The following SLC8A3 variants were observed in gnomAD, a reference collection of about 807,000 sequenced individuals.
SLC8A3 encodes solute carrier family 8 member A3.
A neutral mutation model predicts 65.4 loss-of-function variants in SLC8A3; 37 were observed. The observed-to-expected ratio is 0.57, with a 90% CI of 0.44 to 0.74. The LOEUF (loss-of-function observed/expected upper bound fraction) is 0.74. Among genes scored for constraint, SLC8A3 ranks in the 30% least tolerant of loss-of-function variants. The pLI is 0.00. For synonymous variants in SLC8A3, 461 were observed against 444.5 expected (o/e 1.04, Z -0.47); for missense variants, 1,112 against 1,172.1 (o/e 0.95, Z 0.75).
intron 3 of SLC8A3, among the ~76,000 whole-genome samples, chr14:70,056,956 G>A (rs1122271): frequency 6.6e-6 from 1 of 151,902 alleles, no homozygotes; most frequent in Non-Finnish European, 1.5e-5. Context: ...TCACTCCTTG[G>A]CTCTCAGATA....
chr14:70,158,405 A>C (rs910190504), intron 2 of SLC8A3, among the ~76,000 whole-genome samples: 8 of 152,344 alleles, frequency 5.3e-5, no homozygotes, highest in African/African-American at 1.4e-4. Context: ...AAGACCAAAC[A>C]GCCTGGCAGA....
At chr14:70,084,565 T>C (rs1891289694) in intron 2 of SLC8A3, among the ~76,000 whole-genome samples, 1 of 152,230 alleles carries the variant, frequency 6.6e-6, no homozygotes, top group Non-Finnish European at 1.5e-5. Flanking sequence ...CTTAGCATTT[T>C]TCTCACATGC....
chr14:70,048,998 A>G lies in SLC8A3; in HGVS notation c.2158T>C (p.Ser720Pro). The change falls in exon 6 of 7, where the codon TCC (serine) becomes CCC (proline). Residue 720 changes from serine (S) to proline (P), a missense_variant. Transcript: ENST00000356921. Reference sequence around the variant, plus strand: ...AAGTGCATGACGTAGTCAAAGCAGGAGGGCAGCCTCTCCTCCCCGGATTCA... The same window carrying G: ...AAGTGCATGACGTAGTCAAAGCAGGGGGGCAGCCTCTCCTCCCCGGATTCA... ...EDESGEERLP[S>P]CFDYVMHFLT... The G allele has an allele frequency of 6.2e-7, 1 of 1,613,990 alleles. No homozygotes were observed. The highest frequency in any genetic ancestry group is 8.5e-7 in the Non-Finnish European group (1 of 1,179,842).
chr14:70,132,018 C>T (rs1894868240), intron 2 of SLC8A3, among the ~76,000 whole-genome samples: 3 of 152,224 alleles, frequency 2.0e-5, no homozygotes, highest in African/African-American at 7.2e-5. Context: ...GTCCCTTGAT[C>T]ATGCAAAGCA....
chr14:70,164,520 C>A (rs1254027292), intron 2 of SLC8A3, among the ~76,000 whole-genome samples: 1 of 152,092 alleles, frequency 6.6e-6, no homozygotes, highest in Non-Finnish European at 1.5e-5. Context: ...CAGAAGTGAT[C>A]ATTTGCGAGG....
At position 70,099,547 on chromosome 14, in the gene SLC8A3, G is replaced by T. The variant is rs570068746; in HGVS notation, c.1785-38608C>A. Among the ~76,000 whole-genome samples, 50 of 152,292 alleles carry T rather than the reference G, an allele frequency of 3.3e-4. 1 individual carries two copies. The South Asian group carries it at 7.5e-3, about 23-fold the overall frequency. Reference sequence around the variant, plus strand: ...GGGCTAAGAGTGCCTGTCTCATAGAGAATGAAGCTAACAGCTTAGCACAGT... The same window carrying T: ...GGGCTAAGAGTGCCTGTCTCATAGATAATGAAGCTAACAGCTTAGCACAGT... On this transcript the variant is annotated intron_variant, in intron 2 of 6. Coordinates refer to ENST00000356921, the MANE Select transcript of SLC8A3 (RefSeq NM_182932.3).
At chr14:70,048,441 C>T in intron 6 of SLC8A3, 1 of 594,534 alleles carries the variant, frequency 1.7e-6, no homozygotes, top group Non-Finnish European at 3.0e-6. Flanking sequence ...AGCTTAACCT[C>T]TGTGGGCCTC....
chr14:70,150,863 A>G (rs898611339), intron 2 of SLC8A3, among the ~76,000 whole-genome samples: 4 of 152,184 alleles, frequency 2.6e-5, no homozygotes, highest in Non-Finnish European at 5.9e-5. Flanking sequence ...CTTGTTTTCC[A>G]TGGCCTAGAG....
intron 1 of SLC8A3, among the ~76,000 whole-genome samples, chr14:70,180,492 T>C (rs68122299): frequency 0.14 from 21,499 of 150,062 alleles, 1,685 homozygotes; most frequent in Middle Eastern, 0.2. Flanking sequence ...AGATGTGCTC[T>C]TCCATAATGA....
chr14:70,106,886 C>A (rs892135760), intron 2 of SLC8A3, among the ~76,000 whole-genome samples: 1 of 152,098 alleles, frequency 6.6e-6, no homozygotes, highest in African/African-American at 2.4e-5. Flanking sequence ...TATGGGAATC[C>A]AGAAGAAACA....
rs142456913 is a variant in SLC8A3, at chr14:70,138,665, G to C, written c.1784+27974C>G. Among the ~76,000 whole-genome samples, 247 of 152,298 alleles carry C rather than the reference G, an allele frequency of 1.6e-3. 2 individuals are homozygous for C. The highest frequency in any genetic ancestry group is 5.5e-3 in the African/African-American group (230 of 41,560). On this transcript the variant is annotated intron_variant, in intron 2 of 6. Coordinates refer to ENST00000356921, the MANE Select transcript of SLC8A3 (RefSeq NM_182932.3). ...TGAAGTTATTCCAACCATGTGGCCTGGTTTGGAGTTCAGAAAAGATGGTCT... is the reference window on the plus strand; with the variant it reads ...TGAAGTTATTCCAACCATGTGGCCTCGTTTGGAGTTCAGAAAAGATGGTCT...
In SLC8A3 at chr14:70,075,781, A is replaced by G. The variant is rs575048231; in HGVS notation, c.1785-14842T>C. Among the ~76,000 whole-genome samples the G allele has an allele frequency of 7.4e-4, 112 of 152,314 alleles. 1 individual carries two copies. The highest frequency in any genetic ancestry group is 1.3e-3 in the Non-Finnish European group (88 of 68,024). ...TGCTGCTCCCCTACTTAAATCTTTC[A>G]TAGGTTCCCATTGCATTTAAAATTA... On this transcript the variant is annotated intron_variant, in intron 2 of 6. Transcript: ENST00000356921.
intron 2 of SLC8A3, among the ~76,000 whole-genome samples, chr14:70,110,674 T>G (rs982057309): frequency 6.8e-4 from 1 of 1,464 alleles, no homozygotes; most frequent in Admixed American, 9.1e-3. Context: ...TACCTCTTTC[T>G]TTTTTTTTTT....
chr14:70,064,845 T>C (rs952015146), intron 2 of SLC8A3, among the ~76,000 whole-genome samples: 6 of 152,270 alleles, frequency 3.9e-5, no homozygotes, highest in African/African-American at 1.4e-4. Context: ...GCATTTCTTC[T>C]TCTTTTTTTC....
At chr14:70,170,019 G>GT (rs1897414131) in intron 1 of SLC8A3, among the ~76,000 whole-genome samples, 1 of 152,008 alleles carries the variant, frequency 6.6e-6, no homozygotes, top group Non-Finnish European at 1.5e-5. Context: ...ATCTACTTCA[G>GT]TAGCCTCCTA....
At chr14:70,130,310 C>T (rs1244737005) in intron 2 of SLC8A3, among the ~76,000 whole-genome samples, 3 of 152,224 alleles carry the variant, frequency 2.0e-5, no homozygotes, top group African/African-American at 7.2e-5. Context: ...ACCTGCTGAC[C>T]AACCTGTTCC....
chr14:70,072,992 C>T (rs902499652), intron 2 of SLC8A3, among the ~76,000 whole-genome samples: 4 of 152,226 alleles, frequency 2.6e-5, no homozygotes, highest in South Asian at 4.1e-4. Context: ...CTCTGCACTT[C>T]AATTATCTTC....
chr14:70,070,091 T>A (rs1889873705), intron 2 of SLC8A3, among the ~76,000 whole-genome samples: 1 of 152,332 alleles, frequency 6.6e-6, no homozygotes, highest in East Asian at 1.9e-4. Flanking sequence ...AATGCTGGAC[T>A]AATTAGGTCA....
In SLC8A3 at chr14:70,167,375, T is replaced by C; in HGVS notation, c.1048A>G (p.Ser350Gly). The change falls in exon 2 of 7, where the codon AGC (serine) becomes GGC (glycine). Residue 350 changes from serine to glycine, a missense_variant. By Grantham distance (56) the Ser-to-Gly change is moderately conservative (BLOSUM62 0). Transcript: ENST00000356921. ...GCTTGGATACGGTAGAAGGCACGGCTCTTCTGTTGGTGGGAAAGAGCATAG... is the reference window on the plus strand; with the variant it reads ...GCTTGGATACGGTAGAAGGCACGGCCCTTCTGTTGGTGGGAAAGAGCATAG... The part of the protein sequence containing the change: ...NYYALSHQQK[S>G]RAFYRIQATR... 2 of 1,613,914 alleles carry C rather than the reference T, an allele frequency of 1.2e-6. No individual in the cohort carries two copies. The highest frequency in any genetic ancestry group is 1.7e-6 in the Non-Finnish European group (2 of 1,179,838).
Sources: allele counts gnomAD v4.1 joint callset (sites outside exome capture counted in the v4.1 genomes callset), GRCh38; gene constraint gnomAD v4.1.1; transcripts MANE v1.5; gene names NCBI Gene and HGNC (gene_info 2026-07-23, HGNC 2026-07-21).